DLC1: variants seen among roughly 807,000 people sequenced by gnomAD.
The protein encoded by DLC1 is DLC1 Rho GTPase activating protein, also known as rho GTPase-activating protein 7.
In DLC1, 54 loss-of-function variants were observed where a neutral mutation model predicts 140.3. The observed-to-expected ratio is 0.38, with a 90% CI of 0.31 to 0.48. The LOEUF (loss-of-function observed/expected upper bound fraction) is 0.48. Among genes scored for constraint, DLC1 ranks in the 20% least tolerant of loss-of-function variants. The pLI is 0.96. For synonymous variants in DLC1, 986 were observed against 728.1 expected (o/e 1.35, Z -5.70); for missense variants, 2,536 against 1,907.0 (o/e 1.33, Z -6.14).
chr8:13,162,906 C>T (rs1010311403), intron 5 of DLC1, among the ~76,000 whole-genome samples: 1 of 152,138 alleles, frequency 6.6e-6, no homozygotes, highest in Non-Finnish European at 1.5e-5. Flanking sequence ...AGTCTGAAGA[C>T]CCTGTTTCTA....
At chr8:13,223,986 C>A (rs1311908315) in intron 5 of DLC1, among the ~76,000 whole-genome samples, 1 of 152,132 alleles carries the variant, frequency 6.6e-6, no homozygotes, top group African/African-American at 2.4e-5. Context: ...GAAGCTATTT[C>A]TTTTTGCAAC....
chr8:13,188,797 GTGTGTATATATATATATATATATATATA>G (rs1563149452), intron 5 of DLC1, among the ~76,000 whole-genome samples: 273 of 79,856 alleles, frequency 3.4e-3, no homozygotes, highest in Non-Finnish European at 4.5e-3. Context: ...GTGTGTGTGT[GTGTGTATATATATATATATATATATATA>G]TGTATATATA....
chr8:13,378,297 A>G (rs1836091075), intron 4 of DLC1, among the ~76,000 whole-genome samples: 1 of 151,422 alleles, frequency 6.6e-6, no homozygotes, highest in South Asian at 2.1e-4. Flanking sequence ...TCATCAGAGA[A>G]GAAAGTCCTT....
At chr8:13,432,492 C>T (rs1273056783) in intron 2 of DLC1, among the ~76,000 whole-genome samples, 2 of 152,228 alleles carry the variant, frequency 1.3e-5, no homozygotes, top group East Asian at 1.9e-4. Flanking sequence ...ATACACATAA[C>T]AGGTTTATTT....
At chr8:13,189,008 C>A (rs1030733554) in intron 5 of DLC1, among the ~76,000 whole-genome samples, 1 of 150,948 alleles carries the variant, frequency 6.6e-6, no homozygotes, top group Non-Finnish European at 1.5e-5. Flanking sequence ...TATTTTTAAA[C>A]AAATAAAAAT....
intron 2 of DLC1, among the ~76,000 whole-genome samples, chr8:13,414,815 G>A (rs573668193): frequency 6.6e-6 from 1 of 152,014 alleles, no homozygotes; most frequent in Non-Finnish European, 1.5e-5. Flanking sequence ...TGAGGTTTTT[G>A]AGGCTGGGGG....
intron 5 of DLC1, among the ~76,000 whole-genome samples, chr8:13,270,052 G>A (rs1303593305): frequency 6.3e-5 from 9 of 141,816 alleles, no homozygotes; most frequent in African/African-American, 1.6e-4. Context: ...GAGAGACTCC[G>A]TCTCAAAAAA....
intron 5 of DLC1, among the ~76,000 whole-genome samples, chr8:13,194,027 G>C (rs1826910954): frequency 6.6e-6 from 1 of 152,150 alleles, no homozygotes; most frequent in Admixed American, 6.5e-5. Context: ...TAATTTATTA[G>C]AGAGTCAATG....
At chr8:13,255,750 T>A (rs1830198422) in intron 5 of DLC1, among the ~76,000 whole-genome samples, 1 of 152,208 alleles carries the variant, frequency 6.6e-6, no homozygotes, top group Admixed American at 6.5e-5. Flanking sequence ...TTCCGTCCAA[T>A]ACCAGTATAG....
At chr8:13,422,504 A>G (rs1043076462) in intron 2 of DLC1, among the ~76,000 whole-genome samples, 1 of 151,840 alleles carries the variant, frequency 6.6e-6, no homozygotes, top group African/African-American at 2.4e-5. Flanking sequence ...GGAGCTGGAG[A>G]GAAGGTTAAA....
intron 5 of DLC1, chr8:13,132,904 C>G (rs1028719160): frequency 3.8e-6 from 6 of 1,568,282 alleles, no homozygotes; most frequent in Non-Finnish European, 5.2e-6. Flanking sequence ...GCAGCCCGCT[C>G]CCGCGGCCAG....
At chr8:13,547,369 C>A (rs12546176) in intron 1 of DLC1, among the ~76,000 whole-genome samples, 41,948 of 151,700 alleles carry the variant, frequency 0.28, 6,041 homozygotes, top group Admixed American at 0.3. Flanking sequence ...TAATGGACTC[C>A]AAACACAGAG....
intron 2 of DLC1, among the ~76,000 whole-genome samples, chr8:13,492,969 A>G (rs531006679): frequency 6.6e-6 from 1 of 152,340 alleles, no homozygotes; most frequent in South Asian, 2.1e-4. Context: ...TAAGCTATTT[A>G]CAAAGCTATT....
At position 13,092,655 on chromosome 8, in the gene DLC1, G is replaced by A. The variant is rs1171748042; in HGVS notation, c.3697C>T (p.Leu1233Phe). The change falls in exon 13 of 18, where the codon CTC (leucine) becomes TTC (phenylalanine). Residue 1233 changes from leucine (L) to phenylalanine (F), a missense_variant. By Grantham distance (22) the Leu-to-Phe change is conservative. Coordinates refer to ENST00000276297, the MANE Select transcript of DLC1 (RefSeq NM_182643.3). ...CTCTTCAGGGTGTTGAGATGGAAGA[G>A]GGAAGGCGCTAAGCACACGGCCAGG... ...TNLAVCLAPS[L>F]FHLNTLKREN... 6.2e-7 allele frequency: 1 copy of A among 1,614,184 alleles called. No homozygotes were observed. Among genetic ancestry groups the A allele is most frequent in the South Asian group, 1.1e-5 (1 of 91,070 alleles).
chr8:13,303,452 G>T (rs1321941475), intron 5 of DLC1, among the ~76,000 whole-genome samples: 2 of 152,090 alleles, frequency 1.3e-5, no homozygotes, highest in Admixed American at 1.3e-4. Context: ...AAATTTCCAG[G>T]ATTATGACAA....
chr8:13,102,956 A>T, intron 7 of DLC1, 103 bp from the exon 8 acceptor site: 3 of 949,870 alleles, frequency 3.2e-6, no homozygotes, highest in Non-Finnish European at 4.9e-6. Flanking sequence ...GAGTTTCTTG[A>T]AACTCAGTAA....
intron 4 of DLC1, among the ~76,000 whole-genome samples, chr8:13,383,753 A>T (rs1178197490): frequency 6.6e-6 from 1 of 152,206 alleles, no homozygotes; most frequent in Non-Finnish European, 1.5e-5. Flanking sequence ...ATGCTCAAGC[A>T]TTCCCATTGA....
At chr8:13,461,498 A>G (rs1177578855) in intron 2 of DLC1, among the ~76,000 whole-genome samples, 1 of 152,118 alleles carries the variant, frequency 6.6e-6, no homozygotes, top group Non-Finnish European at 1.5e-5. Flanking sequence ...AACACTGTGG[A>G]GTCTATCAAC....
At chr8:13,423,229 T>C (rs1838398201) in intron 2 of DLC1, among the ~76,000 whole-genome samples, 1 of 152,196 alleles carries the variant, frequency 6.6e-6, no homozygotes, top group Admixed American at 6.5e-5. Flanking sequence ...ATTATATTTT[T>C]AGAAGGAAAT....
Sources: gnomAD v4.1 joint callset for allele counts (sites outside exome capture counted in the v4.1 genomes callset) on GRCh38, gnomAD v4.1.1 for gene constraint, MANE v1.5 for transcripts, NCBI Gene and HGNC (gene_info 2026-07-23, HGNC 2026-07-21) for gene names.